KCNQ1OT1: variants seen among roughly 807,000 people sequenced by gnomAD.
KCNQ1OT1 encodes KCNQ1 antisense RNA 2 (non-protein coding).
chr11:2,632,962 G>C (rs1015372904), exon 1 of KCNQ1OT1: 2 of 398,268 alleles, frequency 5.0e-6, no homozygotes, highest in African/African-American at 2.1e-5. Context: ...CTGTATGATA[G>C]TCTACTTTTA....
chr11:2,643,523 T>C, exon 1 of KCNQ1OT1: 1 of 398,526 alleles, frequency 2.5e-6, no homozygotes, highest in Non-Finnish European at 4.4e-6. Flanking sequence ...TCCCATTCCT[T>C]TCTTTCAACT....
exon 1 of KCNQ1OT1, chr11:2,666,405 A>C (rs1199467504): frequency 2.5e-6 from 1 of 398,696 alleles, no homozygotes; most frequent in African/African-American, 2.1e-5. Flanking sequence ...TTGAGCAAAA[A>C]CAGCCCCGTG....
exon 1 of KCNQ1OT1, chr11:2,634,796 A>G (rs984457224): frequency 6.6e-5 from 10 of 152,210 alleles, no homozygotes; most frequent in African/African-American, 2.2e-4. Flanking sequence ...AGTCCCACCA[A>G]CAGTGTAAAA....
chr11:2,691,396 C>T lies in KCNQ1OT1; in HGVS notation n.8599G>A. On this transcript the variant is annotated non_coding_transcript_exon_variant, in exon 1 of 1. Transcript: ENST00000597346. The surrounding 1 kb of genome is among the most constrained non-coding windows in gnomAD (Gnocchi z 6.4). The stretch of plus-strand genomic sequence containing the variant: ...GGCCTCTGGGTCTGGGCATAGAAGC[C>T]CAGGAACTGCTGTCTGTGGGGAGTC... The T allele has an allele frequency of 2.5e-6, 1 of 398,632 alleles. No individual in the cohort carries two copies. Among genetic ancestry groups the T allele is most frequent in the Non-Finnish European group, 4.4e-6 (1 of 226,084 alleles). The allele number at this position is 398,632 out of a possible 1,614,324, so 24.7% of individuals were successfully genotyped here.
exon 1 of KCNQ1OT1, chr11:2,686,930 C>T (rs904608495): frequency 2.3e-5 from 9 of 398,646 alleles, no homozygotes; most frequent in South Asian, 1.3e-4. Context: ...TGCAGGTCTC[C>T]GTGATGCGGA....
At position 2,691,516 on chromosome 11, in the gene KCNQ1OT1, G is replaced by GCT. The variant is rs146937958; in HGVS notation, n.8477_8478dup. ...TCAAGGCCATTTTTCAGCTTGCTTG[G>GCT]CTTTGCATTAAAGTTGGGGGGATTT... On this transcript the variant is annotated non_coding_transcript_exon_variant, in exon 1 of 1. Coordinates refer to ENST00000597346, the Ensembl canonical transcript of KCNQ1OT1. The surrounding 1 kb of genome is among the most constrained non-coding windows in gnomAD (Gnocchi z 6.4). 0.012 allele frequency: 4,763 copies of GCT among 398,496 alleles called. 203 individuals carry two copies. The highest frequency in any genetic ancestry group is 0.089 in the African/African-American group (4,323 of 48,670). 24.7% of individuals were successfully genotyped at this position (398,496 alleles called of 1,614,324 possible).
In KCNQ1OT1 at chr11:2,620,285, C is replaced by T. The variant is rs1266619392; in HGVS notation, n.79710G>A. On this transcript the variant is annotated non_coding_transcript_exon_variant, in exon 1 of 1. Transcript: ENST00000597346. The surrounding 1 kb of genome is among the most constrained non-coding windows in gnomAD (Gnocchi z 4.5). ...AGGCTGGAGGGCAATGGCATGATCT[C>T]GGCTCACTGCAGCCTCCGCCTACCG... The T allele has an allele frequency of 2.3e-5, 5 of 216,072 alleles. No individual in the cohort carries two copies. Among genetic ancestry groups the T allele is most frequent in the Non-Finnish European group, 2.6e-5 (3 of 113,312 alleles). 13.4% of individuals were successfully genotyped at this position (216,072 alleles called of 1,614,324 possible). A position where few individuals can be genotyped will look rare whatever the true frequency, so the allele number is the denominator to read the frequency against.
rs896824204 is a variant in KCNQ1OT1 at position 2,673,283 on chromosome 11, A to G, written n.26712T>C. The G allele has an allele frequency of 3.5e-5, 14 of 398,644 alleles. No homozygotes were observed. The highest frequency in any genetic ancestry group is 2.5e-4 in the African/African-American group (12 of 48,650). 24.7% of individuals were successfully genotyped at this position (398,644 alleles called of 1,614,324 possible). A position where few individuals can be genotyped will look rare whatever the true frequency, so the allele number is the denominator to read the frequency against. On this transcript the variant is annotated non_coding_transcript_exon_variant, in exon 1 of 1. Transcript: ENST00000597346. This position sits in a 1 kb window ranked among gnomAD's most constrained non-coding sequence, Gnocchi z 4.5. ...CAAAGCCTCAGCCACCTTCTCCCCTAGAAGAAATCTTGAGAGAAACAATCC... is the reference window on the plus strand; with the variant it reads ...CAAAGCCTCAGCCACCTTCTCCCCTGGAAGAAATCTTGAGAGAAACAATCC...
rs1275251584 is a variant in KCNQ1OT1, at chr11:2,683,859, A to C, written n.16136T>G. The C allele has an allele frequency of 5.0e-6, 2 of 398,016 alleles. No homozygotes were observed. The highest frequency in any genetic ancestry group is 4.1e-5 in the African/African-American group (2 of 48,448). The allele number at this position is 398,016 out of a possible 1,614,324, so 24.7% of individuals were successfully genotyped here. A position where few individuals can be genotyped will look rare whatever the true frequency, so the allele number is the denominator to read the frequency against. On this transcript the variant is annotated non_coding_transcript_exon_variant, in exon 1 of 1. Coordinates refer to ENST00000597346, the Ensembl canonical transcript of KCNQ1OT1. The surrounding 1 kb of genome is among the most constrained non-coding windows in gnomAD (Gnocchi z 4.7). ...GATTCCCCTCCCTGGCCCCACACTC[A>C]CTGCTACATCTCTCTTCCAAATCAT... is the stretch of plus-strand genomic sequence containing the variant.
At chr11:2,638,314 A>G (rs1188474549) in exon 1 of KCNQ1OT1, 4 of 152,118 alleles carry the variant, frequency 2.6e-5, no homozygotes, top group South Asian at 2.1e-4. Flanking sequence ...GGCTGGTACC[A>G]ATTGTTCCTT....
chr11:2,643,008 G>A, exon 1 of KCNQ1OT1: 1 of 397,654 alleles, frequency 2.5e-6, no homozygotes, highest in Non-Finnish European at 4.4e-6. Context: ...TGCTATTGTG[G>A]TCTGAGAAGA....
rs1473529792 is a variant in KCNQ1OT1, at chr11:2,617,112, G to A, written n.82883C>T. ...GAGAAAAGCTATGATCTACTCAATT[G>A]GCAAAAATTCCAAATGCAATATACT... On this transcript the variant is annotated non_coding_transcript_exon_variant, in exon 1 of 1. Coordinates refer to ENST00000597346, the Ensembl canonical transcript of KCNQ1OT1. The surrounding 1 kb of genome is among the most constrained non-coding windows in gnomAD (Gnocchi z 4.6). 1.0e-5 allele frequency: 4 copies of A among 397,964 alleles called. No individual in the cohort carries two copies. The East Asian group carries it at 1.4e-4, about 14-fold the overall frequency. 24.7% of individuals were successfully genotyped at this position (397,964 alleles called of 1,614,324 possible).
At chr11:2,697,936 G>C (rs1165754199) in exon 1 of KCNQ1OT1, 1 of 398,488 alleles carries the variant, frequency 2.5e-6, no homozygotes. Context: ...CAGCATGTTA[G>C]GAAACACATT....
Position 2,699,483 on chromosome 11 carries a change from C to G in KCNQ1OT1, n.512G>C, listed in dbSNP as rs1016576178. 212 of 355,070 alleles carry G rather than the reference C, an allele frequency of 6.0e-4. No individual in the cohort carries two copies. Among genetic ancestry groups the G allele is most frequent in the Middle Eastern group, 1.3e-3 (2 of 1,528 alleles). The allele number at this position is 355,070 out of a possible 1,614,324, so 22.0% of individuals were successfully genotyped here. Reference sequence around the variant, plus strand: ...CGGGAGAGTGCCGCGCTGAGGAGCCCCCGGGGAGAGTGCCGCGCTGAGGAG... The same window carrying G: ...CGGGAGAGTGCCGCGCTGAGGAGCCGCCGGGGAGAGTGCCGCGCTGAGGAG... On this transcript the variant is annotated non_coding_transcript_exon_variant, in exon 1 of 1. Transcript: ENST00000597346.
exon 1 of KCNQ1OT1, chr11:2,625,670 G>A (rs1201004620): frequency 5.0e-6 from 2 of 397,408 alleles, no homozygotes; most frequent in Non-Finnish European, 8.9e-6. Context: ...CTGCCTCCTG[G>A]GTTCACATCA....
Position 2,661,013 on chromosome 11 carries a change from T to C in KCNQ1OT1, n.38982A>G. On this transcript the variant is annotated non_coding_transcript_exon_variant, in exon 1 of 1. Transcript: ENST00000597346. This position sits in a 1 kb window ranked among gnomAD's most constrained non-coding sequence, Gnocchi z 5.9. ...ACTAAAATAATTAAATCCATGCCTA[T>C]ATACCTAGAGAAAAATGAAATGAGC... 1 of 398,590 alleles carries C rather than the reference T, an allele frequency of 2.5e-6. No individual in the cohort carries two copies. Among genetic ancestry groups the C allele is most frequent in the Non-Finnish European group, 4.4e-6 (1 of 226,058 alleles). The allele number at this position is 398,590 out of a possible 1,614,324, so 24.7% of individuals were successfully genotyped here. A position where few individuals can be genotyped will look rare whatever the true frequency, so the allele number is the denominator to read the frequency against.
chr11:2,664,586 C>T lies in KCNQ1OT1; in HGVS notation n.35409G>A. ...AGGTCTTCTGCCCGCATTGGGGCTG[C>T]ATTCCTCCACCTCCTGCACAGCCCG... On this transcript the variant is annotated non_coding_transcript_exon_variant, in exon 1 of 1. Coordinates refer to ENST00000597346, the Ensembl canonical transcript of KCNQ1OT1. The surrounding 1 kb of genome is among the most constrained non-coding windows in gnomAD (Gnocchi z 5.1). 2.5e-6 allele frequency: 1 copy of T among 398,654 alleles called. No individual in the cohort carries two copies. The highest frequency in any genetic ancestry group is 4.4e-6 in the Non-Finnish European group (1 of 226,118). The allele number at this position is 398,654 out of a possible 1,614,324, so 24.7% of individuals were successfully genotyped here.
At chr11:2,665,128 G>A (rs1850042292) in exon 1 of KCNQ1OT1, 1 of 398,454 alleles carries the variant, frequency 2.5e-6, no homozygotes, top group Non-Finnish European at 4.4e-6. Context: ...GCCTATAGGT[G>A]GGCCCTACTG....
chr11:2,655,477 T>G, exon 1 of KCNQ1OT1: 1 of 398,706 alleles, frequency 2.5e-6, no homozygotes, highest in Non-Finnish European at 4.4e-6. Flanking sequence ...CGGTACCTCC[T>G]GCAGAGCCTG....
Sources: allele counts gnomAD v4.1 joint callset, GRCh38; gene constraint gnomAD v4.1.1; non-coding constraint Gnocchi (gnomAD v3.1); transcripts MANE v1.5; gene names NCBI Gene and HGNC (gene_info 2026-07-23, HGNC 2026-07-21).